Variants in NAV3 observed in about 807,000 individuals in gnomAD.
The protein encoded by NAV3 is neuron navigator 3, also known as pore membrane and/or filament interacting like protein 1.
NAV3 carries 87 observed loss-of-function variants against 244.7 expected under a neutral mutation model. The ratio of observed to expected loss-of-function variants is 0.36; its 90% CI spans 0.30 to 0.42. The LOEUF (loss-of-function observed/expected upper bound fraction) is 0.42. NAV3 is among the 20% of genes least tolerant of loss of function. The pLI, the probability that NAV3 is intolerant of heterozygous loss-of-function variation, is 1.00. For missense variants in NAV3, 2,663 were observed against 2,893.3 expected, an observed-to-expected ratio of 0.92 and a Z score of 1.83; for synonymous variants, 1,126 against 1,042.2, an observed-to-expected ratio of 1.08 and a Z score of -1.55.
intron 23 of NAV3, among the ~76,000 whole-genome samples, chr12:78,167,674 G>A (rs1047898825): frequency 1.3e-5 from 2 of 151,386 alleles, no homozygotes; most frequent in South Asian, 2.1e-4. Context: ...ATGAAGAACC[G>A]AGGCCCGATT....
chr12:78,160,831 A>G (rs1957512353), intron 23 of NAV3, among the ~76,000 whole-genome samples: 1 of 151,408 alleles, frequency 6.6e-6, no homozygotes, highest in South Asian at 2.1e-4. Context: ...TTGAAACATA[A>G]ATTTTCCTTT....
chr12:78,008,235 T>G (rs1304986044), intron 8 of NAV3, among the ~76,000 whole-genome samples: 3 of 152,182 alleles, frequency 2.0e-5, no homozygotes, highest in Non-Finnish European at 1.5e-5. Flanking sequence ...TTTTTTACCT[T>G]TTATTTATTT....
intron 2 of NAV3, among the ~76,000 whole-genome samples, chr12:77,787,911 A>C (rs1367657207): frequency 6.6e-6 from 1 of 152,218 alleles, no homozygotes; most frequent in Non-Finnish European, 1.5e-5. Flanking sequence ...AAATGGCAGC[A>C]TATTTAAAAA....
chr12:78,010,798 G>A (rs907387324), intron 8 of NAV3: 2 of 151,846 alleles, frequency 1.3e-5, no homozygotes, highest in Non-Finnish European at 2.9e-5. Context: ...TTTATATAAT[G>A]GGAAGATTGA....
chr12:77,645,536 T>TAAAAAA (rs756805711), intron 2 of NAV3, among the ~76,000 whole-genome samples: 1 of 63,018 alleles, frequency 1.6e-5, no homozygotes, highest in Non-Finnish European at 2.9e-5. Flanking sequence ...TCTCTCTCTC[T>TAAAAAA]AAAAAAAAAA....
intron 2 of NAV3, among the ~76,000 whole-genome samples, chr12:77,719,166 CTG>C (rs1208166103): frequency 6.6e-6 from 1 of 152,130 alleles, no homozygotes; most frequent in Admixed American, 6.6e-5. Context: ...CATGCTGACT[CTG>C]TAGTTTGCAA....
At chr12:77,589,105 A>C (rs1456440280) in intron 2 of NAV3, among the ~76,000 whole-genome samples, 1 of 152,192 alleles carries the variant, frequency 6.6e-6, no homozygotes, top group African/African-American at 2.4e-5. Context: ...CTAAGACAAA[A>C]ATTACTCCAG....
At chr12:77,901,926 C>T (rs147192968) in intron 1 of NAV3, among the ~76,000 whole-genome samples, 348 of 152,090 alleles carry the variant, frequency 2.3e-3, no homozygotes, top group African/African-American at 7.7e-3. Context: ...TTAGGGGTGA[C>T]CTTTGGATGT....
intron 1 of NAV3, among the ~76,000 whole-genome samples, chr12:77,834,493 A>G (rs1193425336): frequency 6.6e-6 from 1 of 152,258 alleles, no homozygotes; most frequent in Non-Finnish European, 1.5e-5. Context: ...ATAAAATTCC[A>G]TTCTAATCTT....
At chr12:77,694,465 C>T (rs1875196067) in intron 2 of NAV3, among the ~76,000 whole-genome samples, 1 of 149,940 alleles carries the variant, frequency 6.7e-6, no homozygotes, top group African/African-American at 2.5e-5. Flanking sequence ...AGAGCAAACT[C>T]CATCTCAATT....
At chr12:78,183,464 G>C (rs1170648309) in intron 30 of NAV3, among the ~76,000 whole-genome samples, 3 of 151,910 alleles carry the variant, frequency 2.0e-5, no homozygotes, top group African/African-American at 7.2e-5. Flanking sequence ...AGCTGAGGAA[G>C]CCAAGACTTA....
At chr12:78,029,748 G>GCC (rs1878664875) in intron 9 of NAV3, among the ~76,000 whole-genome samples, 2 of 152,190 alleles carry the variant, frequency 1.3e-5, no homozygotes, top group Admixed American at 1.3e-4. Flanking sequence ...TTCTGGCAAT[G>GCC]CTACTGTGCT....
intron 2 of NAV3, among the ~76,000 whole-genome samples, chr12:77,758,898 A>G (rs1869325521): frequency 6.6e-6 from 1 of 152,214 alleles, no homozygotes; most frequent in Non-Finnish European, 1.5e-5. Context: ...AGAGGCTAGG[A>G]TTTTTCATTT....
chr12:77,869,085 G>C (rs994124265), intron 1 of NAV3, among the ~76,000 whole-genome samples: 1 of 152,004 alleles, frequency 6.6e-6, no homozygotes, highest in South Asian at 2.1e-4. Context: ...AGAATGCTCT[G>C]CTCTACTAGC....
intron 19 of NAV3, among the ~76,000 whole-genome samples, chr12:78,139,037 T>A (rs992558470): frequency 3.9e-5 from 6 of 152,132 alleles, no homozygotes; most frequent in African/African-American, 1.4e-4. Flanking sequence ...TGTCCACCTT[T>A]CCTATGGTAC....
At chr12:78,057,314 A>T (rs1275810970) in intron 11 of NAV3, among the ~76,000 whole-genome samples, 1 of 152,208 alleles carries the variant, frequency 6.6e-6, no homozygotes, top group Non-Finnish European at 1.5e-5. Flanking sequence ...AATTCTGTGG[A>T]GTAAAAATTA....
intron 5 of NAV3, among the ~76,000 whole-genome samples, chr12:77,989,458 C>A (rs759579570): frequency 2.6e-5 from 4 of 152,088 alleles, no homozygotes; most frequent in Non-Finnish European, 1.5e-5. Flanking sequence ...TAAAACCAAC[C>A]AACCAACCAA....
intron 2 of NAV3, among the ~76,000 whole-genome samples, chr12:77,684,867 T>C (rs913907303): frequency 6.6e-6 from 1 of 152,186 alleles, no homozygotes; most frequent in Non-Finnish European, 1.5e-5. Context: ...TCCGTTTTTT[T>C]CCATACAGAT....
chr12:77,724,400 T>G (rs1450878011), intron 2 of NAV3, among the ~76,000 whole-genome samples: 1 of 152,002 alleles, frequency 6.6e-6, no homozygotes, highest in African/African-American at 2.4e-5. Flanking sequence ...GATATGCTCA[T>G]ATTATGAATA....
Sources: allele counts gnomAD v4.1 joint callset (sites outside exome capture counted in the v4.1 genomes callset), GRCh38; gene constraint gnomAD v4.1.1; transcripts MANE v1.5; gene names NCBI Gene and HGNC (gene_info 2026-07-23, HGNC 2026-07-21).